PCDH15: variants seen among roughly 807,000 people sequenced by gnomAD.
PCDH15 encodes the protein protocadherin-15.
A neutral mutation model predicts 178.5 loss-of-function variants in PCDH15; 129 were observed. The ratio of observed to expected loss-of-function variants is 0.72; its 90% CI spans 0.63 to 0.84. The LOEUF (loss-of-function observed/expected upper bound fraction) is 0.84. PCDH15 is among the 40% of genes least tolerant of loss of function. The pLI, the probability that PCDH15 is intolerant of heterozygous loss-of-function variation, is 0.00. For missense variants in PCDH15, 2,230 were observed against 2,099.9 expected, an observed-to-expected ratio of 1.06 and a Z score of -1.21; for synonymous variants, 800 against 732.0, an observed-to-expected ratio of 1.09 and a Z score of -1.50.
intron 1 of PCDH15, among the ~76,000 whole-genome samples, chr10:54,680,578 A>T (rs2094880922): frequency 6.6e-6 from 1 of 152,142 alleles, no homozygotes; most frequent in Non-Finnish European, 1.5e-5. Context: ...TCTCACCTTG[A>T]ATTGTAATAA....
chr10:54,350,106 A>T (rs1943932760), intron 5 of PCDH15, among the ~76,000 whole-genome samples: 1 of 152,230 alleles, frequency 6.6e-6, no homozygotes, highest in South Asian at 2.1e-4. Flanking sequence ...TCATCCCTAA[A>T]TATAATTTTA....
At chr10:54,862,746 T>C (rs953427817) in intron 3 of PCDH15, among the ~76,000 whole-genome samples, 1 of 152,194 alleles carries the variant, frequency 6.6e-6, no homozygotes, top group Admixed American at 6.6e-5. Context: ...TCATCATATG[T>C]GCCAGTGGGA....
intron 3 of PCDH15, among the ~76,000 whole-genome samples, chr10:54,432,398 A>C (rs1957072638): frequency 6.6e-6 from 1 of 152,190 alleles, no homozygotes; most frequent in African/African-American, 2.4e-5. Context: ...CTAATGAAGC[A>C]GAATAGAGAA....
intron 2 of PCDH15, among the ~76,000 whole-genome samples, chr10:55,521,967 AG>A (rs989278622): frequency 6.6e-6 from 1 of 151,930 alleles, no homozygotes; most frequent in African/African-American, 2.4e-5. Context: ...CAAAATTTCA[AG>A]TATAGTCTCT....
chr10:54,670,472 A>G (rs1217347706), intron 1 of PCDH15, among the ~76,000 whole-genome samples: 1 of 152,144 alleles, frequency 6.6e-6, no homozygotes, highest in Non-Finnish European at 1.5e-5. Context: ...AAAAGAGGGA[A>G]GAACACTGGT....
intron 2 of PCDH15, among the ~76,000 whole-genome samples, chr10:55,340,280 A>C (rs916424971): frequency 6.6e-6 from 1 of 151,322 alleles, no homozygotes; most frequent in African/African-American, 2.4e-5. Flanking sequence ...TATATATGGT[A>C]TTTTTACATT....
chr10:55,555,470 T>C (rs563350071), intron 2 of PCDH15, among the ~76,000 whole-genome samples: 8 of 152,250 alleles, frequency 5.3e-5, no homozygotes, highest in Non-Finnish European at 8.8e-5. Context: ...TACGGATATC[T>C]TTCCCAGCTA....
At chr10:53,860,538 C>A (rs2133080138) in intron 27 of PCDH15, among the ~76,000 whole-genome samples, 1 of 152,040 alleles carries the variant, frequency 6.6e-6, no homozygotes, top group Admixed American at 6.6e-5. Flanking sequence ...TGAGAGCAGC[C>A]TGGCCAACAT....
chr10:54,320,666 T>C (rs1332264775), intron 7 of PCDH15, among the ~76,000 whole-genome samples: 1 of 152,058 alleles, frequency 6.6e-6, no homozygotes, highest in Non-Finnish European at 1.5e-5. Flanking sequence ...ATGTCTATAA[T>C]ATATGAATTA....
At chr10:55,527,588 T>C (rs1363957215) in intron 2 of PCDH15, among the ~76,000 whole-genome samples, 1 of 152,016 alleles carries the variant, frequency 6.6e-6, no homozygotes, top group African/African-American at 2.4e-5. Flanking sequence ...TGTAAGGGAC[T>C]CAGTTCAACC....
intron 2 of PCDH15, among the ~76,000 whole-genome samples, chr10:55,077,446 C>T (rs1391071713): frequency 9.1e-5 from 11 of 120,922 alleles, no homozygotes; most frequent in African/African-American, 3.1e-4. Context: ...TTTCTTCCTT[C>T]CTTCCCTTCC....
intron 2 of PCDH15, among the ~76,000 whole-genome samples, chr10:55,403,179 T>C (rs1005822787): frequency 2.0e-5 from 3 of 151,950 alleles, no homozygotes; most frequent in African/African-American, 7.2e-5. Context: ...CTTTGCCTAG[T>C]TTTTTATGGG....
At position 54,048,908 on chromosome 10, in the gene PCDH15, T is replaced by C. The variant is rs543246676; in HGVS notation, c.2220+17849A>G. Among the ~76,000 whole-genome samples, 14 of 151,838 alleles carry C rather than the reference T, an allele frequency of 9.2e-5. No homozygotes were observed. In the East Asian group the frequency reaches 2.7e-3, roughly 29 times the overall value. On this transcript the variant is annotated intron_variant, in intron 18 of 37. Coordinates refer to ENST00000644397, the MANE Select transcript of PCDH15 (RefSeq NM_001384140.1). Reference sequence around the variant, plus strand: ...TTTTTTTTTTTCTAATTCAGTTAAATGGTACTGGTAGTTTGATAGGAGTAG... The same window carrying C: ...TTTTTTTTTTTCTAATTCAGTTAAACGGTACTGGTAGTTTGATAGGAGTAG...
intron 2 of PCDH15, among the ~76,000 whole-genome samples, chr10:55,372,723 T>A (rs1845536989): frequency 6.6e-6 from 1 of 152,120 alleles, no homozygotes; most frequent in African/African-American, 2.4e-5. Context: ...CTTCAACCAC[T>A]TCTCTCATAT....
At chr10:54,654,279 G>A (rs2094328096) in intron 2 of PCDH15, among the ~76,000 whole-genome samples, 1 of 152,162 alleles carries the variant, frequency 6.6e-6, no homozygotes, top group African/African-American at 2.4e-5. Flanking sequence ...TACAAAATGT[G>A]TTTATTATAG....
chr10:54,636,146 T>C (rs1164964928), intron 2 of PCDH15, among the ~76,000 whole-genome samples: 1 of 151,976 alleles, frequency 6.6e-6, no homozygotes, highest in Non-Finnish European at 1.5e-5. Context: ...GTATTAATAT[T>C]TTAATTGGAA....
At chr10:55,609,584 G>A (rs979788742) in intron 2 of PCDH15, among the ~76,000 whole-genome samples, 3 of 152,000 alleles carry the variant, frequency 2.0e-5, no homozygotes, top group African/African-American at 7.2e-5. Flanking sequence ...CTTCATTTAT[G>A]TATAAAGATA....
At chr10:54,941,389 C>T (rs531431300) in intron 2 of PCDH15, among the ~76,000 whole-genome samples, 6 of 152,120 alleles carry the variant, frequency 3.9e-5, no homozygotes, top group South Asian at 2.1e-4. Flanking sequence ...GAGAACATTT[C>T]GTTTCAACAT....
intron 3 of PCDH15, among the ~76,000 whole-genome samples, chr10:54,866,296 C>A (rs1314261561): frequency 6.6e-6 from 1 of 152,156 alleles, no homozygotes; most frequent in African/African-American, 2.4e-5. Context: ...TATTAAAAGT[C>A]TAACCCTTTT....
Sources: allele counts gnomAD v4.1 joint callset (sites outside exome capture counted in the v4.1 genomes callset), GRCh38; gene constraint gnomAD v4.1.1; transcripts MANE v1.5; gene names NCBI Gene and HGNC (gene_info 2026-07-23, HGNC 2026-07-21).